DPYD: variants seen among roughly 807,000 people sequenced by gnomAD.
The protein encoded by DPYD is dihydropyrimidine dehydrogenase, also known as dihydropyrimidine dehydrogenase [NADP(+)].
Under a neutral mutation model 116.2 loss-of-function variants are expected in DPYD, and 109 were observed. The ratio of observed to expected loss-of-function variants is 0.94; its 90% CI spans 0.80 to 1.10. The LOEUF (loss-of-function observed/expected upper bound fraction) is 1.10, where lower values mean the gene tolerates loss of function less well. Ranked by LOEUF, DPYD falls within the 50% of genes least tolerant of loss-of-function variation. The pLI, the probability that DPYD is intolerant of heterozygous loss-of-function variation, is 0.00. For synonymous variants in DPYD, 440 were observed against 432.0 expected (o/e 1.02, Z -0.23); for missense variants, 1,302 against 1,254.5 (o/e 1.04, Z -0.57).
intron 15 of DPYD, 79 bp from the exon 16 acceptor site, chr1:97,373,723 A>T: frequency 8.0e-7 from 1 of 1,251,048 alleles, no homozygotes. Context: ...TGATAACACA[A>T]GTCACATTTG....
intron 13 of DPYD, among the ~76,000 whole-genome samples, chr1:97,451,457 T>G (rs1676408167): frequency 6.6e-6 from 1 of 152,218 alleles, no homozygotes. Flanking sequence ...GTATAAATGT[T>G]ACAATAAGCC....
chr1:97,909,257 A>G (rs1003628858), intron 1 of DPYD, among the ~76,000 whole-genome samples: 1 of 152,028 alleles, frequency 6.6e-6, no homozygotes, highest in Non-Finnish European at 1.5e-5. Context: ...TCCGCCACCC[A>G]ATGTGCCACC....
chr1:97,805,234 G>C (rs1668025054), intron 3 of DPYD, among the ~76,000 whole-genome samples: 1 of 151,782 alleles, frequency 6.6e-6, no homozygotes, highest in Non-Finnish European at 1.5e-5. Flanking sequence ...GTAAGTTTGA[G>C]ATTCAAGAGG....
chr1:97,217,685 AG>A (rs1660506074), intron 19 of DPYD, among the ~76,000 whole-genome samples: 1 of 152,146 alleles, frequency 6.6e-6, no homozygotes, highest in Non-Finnish European at 1.5e-5. Flanking sequence ...GAATTATATA[AG>A]TCTGGTACTC....
intron 12 of DPYD, among the ~76,000 whole-genome samples, chr1:97,540,663 T>G (rs751708636): frequency 1.3e-5 from 2 of 152,202 alleles, no homozygotes; most frequent in Non-Finnish European, 2.9e-5. Context: ...TACATAGGCA[T>G]GATTGATTAG....
chr1:97,274,205 C>A (rs184634986), intron 18 of DPYD, among the ~76,000 whole-genome samples: 75 of 152,192 alleles, frequency 4.9e-4, no homozygotes, highest in African/African-American at 1.6e-3. Context: ...TTGTCCCCTC[C>A]AAATCTCAGG....
chr1:97,130,253 G>A (rs576747505), intron 20 of DPYD, among the ~76,000 whole-genome samples: 236 of 152,274 alleles, frequency 1.5e-3, no homozygotes, highest in African/African-American at 5.4e-3. Context: ...CCATGGTTAC[G>A]AGTGAGAAAA....
rs184712921 is a variant in DPYD at position 97,775,023 on chromosome 1, C to A, written c.234-34544G>T. The A allele has an allele frequency of 1.6e-3, 445 of 276,244 alleles. 3 individuals are homozygous for A. Among genetic ancestry groups the A allele is most frequent in the South Asian group, 8.6e-3 (188 of 21,858 alleles). The allele number at this position is 276,244 out of a possible 1,614,324, so 17.1% of individuals were successfully genotyped here. ...AGCTCTATGAATGCCAGGTTTGTGA[C>A]AGTGTCTGGGGTTTATATGTAGATT... On this transcript the variant is annotated intron_variant, in intron 3 of 22. Coordinates refer to ENST00000370192, the MANE Select transcript of DPYD (RefSeq NM_000110.4).
intron 13 of DPYD, among the ~76,000 whole-genome samples, chr1:97,484,676 T>C (rs1282984378): frequency 6.6e-6 from 1 of 152,218 alleles, no homozygotes; most frequent in African/African-American, 2.4e-5. Flanking sequence ...TTTTCTTTCC[T>C]GTTTTCAGTT....
intron 18 of DPYD, among the ~76,000 whole-genome samples, chr1:97,242,892 T>G (rs1273614159): frequency 6.6e-6 from 1 of 151,836 alleles, no homozygotes; most frequent in Non-Finnish European, 1.5e-5. Flanking sequence ...ATCTATATAG[T>G]GATTAAAAGA....
At chr1:97,536,538 A>G (rs1169171735) in intron 12 of DPYD, among the ~76,000 whole-genome samples, 1 of 152,252 alleles carries the variant, frequency 6.6e-6, no homozygotes, top group Non-Finnish European at 1.5e-5. Context: ...GAAGCAGTAG[A>G]GGATTCAAAA....
intron 5 of DPYD, among the ~76,000 whole-genome samples, chr1:97,707,991 G>T (rs988666453): frequency 1.9e-4 from 29 of 152,002 alleles, no homozygotes; most frequent in African/African-American, 7.0e-4. Context: ...CTGCAGAGTA[G>T]AAGTTTTAAT....
At chr1:97,298,793 T>C (rs548168002) in intron 18 of DPYD, among the ~76,000 whole-genome samples, 7 of 152,220 alleles carry the variant, frequency 4.6e-5, no homozygotes, top group African/African-American at 1.7e-4. Context: ...CTGTTTGGTC[T>C]TCTCCCCCTT....
chr1:97,792,166 A>G (rs1043541010), intron 3 of DPYD, among the ~76,000 whole-genome samples: 39 of 152,330 alleles, frequency 2.6e-4, no homozygotes, highest in African/African-American at 9.4e-4. Context: ...AAGGAAGGAC[A>G]GTGCAGTAAG....
At chr1:97,217,963 T>C (rs1268774100) in intron 19 of DPYD, among the ~76,000 whole-genome samples, 3 of 152,220 alleles carry the variant, frequency 2.0e-5, no homozygotes, top group African/African-American at 7.2e-5. Context: ...ATAACTTCCA[T>C]TTTATAGATA....
At chr1:97,466,003 AG>A (rs1414797678) in intron 13 of DPYD, among the ~76,000 whole-genome samples, 4 of 152,146 alleles carry the variant, frequency 2.6e-5, no homozygotes, top group Non-Finnish European at 5.9e-5. Context: ...TGGGCGGCTG[AG>A]GTGGCAGGAT....
chr1:97,444,483 T>C (rs987675840), intron 14 of DPYD, among the ~76,000 whole-genome samples: 3 of 152,118 alleles, frequency 2.0e-5, no homozygotes, highest in Non-Finnish European at 2.9e-5. Context: ...TGTTCTGATA[T>C]AGGAGTTTTA....
intron 3 of DPYD, among the ~76,000 whole-genome samples, chr1:97,754,329 T>A (rs754019865): frequency 6.6e-6 from 1 of 152,132 alleles, no homozygotes; most frequent in Admixed American, 6.6e-5. Context: ...TAAAATTAGC[T>A]GTCTACAGCT....
chr1:97,648,619 A>C (rs901764395), intron 8 of DPYD, among the ~76,000 whole-genome samples: 31 of 152,058 alleles, frequency 2.0e-4, no homozygotes, highest in Admixed American at 1.6e-3. Flanking sequence ...AAAGACACGC[A>C]GTTTTATTCA....
Sources: gnomAD v4.1 joint callset for allele counts (sites outside exome capture counted in the v4.1 genomes callset) on GRCh38, gnomAD v4.1.1 for gene constraint, MANE v1.5 for transcripts, NCBI Gene and HGNC (gene_info 2026-07-23, HGNC 2026-07-21) for gene names.